PTPRN: variants seen among roughly 807,000 people sequenced by gnomAD.
PTPRN encodes the protein receptor-type tyrosine-protein phosphatase-like N.
In PTPRN, 70 loss-of-function variants were observed where a neutral mutation model predicts 108.5. The observed-to-expected ratio is 0.65, with a 90% CI of 0.53 to 0.79. The LOEUF (loss-of-function observed/expected upper bound fraction) is 0.79, where lower values mean the gene tolerates loss of function less well. Ranked by LOEUF, PTPRN falls within the 30% of genes least tolerant of loss-of-function variation. The pLI, the probability that PTPRN is intolerant of heterozygous loss-of-function variation, is 0.00. For missense variants in PTPRN, 1,136 were observed against 1,295.5 expected (o/e 0.88, Z 1.89); for synonymous variants, 496 against 524.6 (o/e 0.95, Z 0.75).
intron 10 of PTPRN, 153 bp downstream of exon 10, chr2:219,299,547 A>G: frequency 8.8e-7 from 1 of 1,132,912 alleles, no homozygotes; most frequent in Non-Finnish European, 1.3e-6. Flanking sequence ...GGGGCCAGCA[A>G]CGGGCTGGGT....
At position 219,304,618 on chromosome 2, in the gene PTPRN, G is replaced by A. The variant is rs1320975355; in HGVS notation, c.281-787C>T. 2.0e-5 allele frequency among the ~76,000 whole-genome samples: 3 copies of A among 151,932 alleles called. No individual in the cohort carries two copies. The South Asian group carries it at 6.2e-4, about 32-fold the overall frequency. ...TGTGCTGCTCTTAACTTGTATTCTGGTATCTACCAACATCCACACCTGCCT... is the reference window on the plus strand; with the variant it reads ...TGTGCTGCTCTTAACTTGTATTCTGATATCTACCAACATCCACACCTGCCT... On this transcript the variant is annotated intron_variant, in intron 3 of 22. Coordinates refer to ENST00000295718, the MANE Select transcript of PTPRN (RefSeq NM_002846.4).
At position 219,290,748 on chromosome 2, in the gene PTPRN, G is replaced by T; in HGVS notation, c.2794+78C>A. 1 of 1,535,434 alleles carries T rather than the reference G, an allele frequency of 6.5e-7. No homozygotes were observed. The highest frequency in any genetic ancestry group is 9.0e-7 in the Non-Finnish European group (1 of 1,109,922). ...TGGAGGTTGACAACCTGCTCCTTCT[G>T]AGCTCCCAGGACCCTGTGTGCTGGG... On this transcript the variant is annotated intron_variant, in intron 21 of 22. Transcript: ENST00000295718. This position sits in a 1 kb window ranked among gnomAD's most constrained non-coding sequence, Gnocchi z 4.2.
At position 219,302,323 on chromosome 2, in the gene PTPRN, C is replaced by G. The variant is rs755346221; in HGVS notation, c.808G>C (p.Ala270Pro). 3.1e-6 allele frequency: 5 copies of G among 1,613,742 alleles called. No homozygotes were observed. The African/African-American group carries it at 5.3e-5, about 17-fold the overall frequency. ...SYGDLPGPSPAQLFQDSGLLY... is the reference protein window; with the variant it reads ...SYGDLPGPSPPQLFQDSGLLY... ...AGCCCAGAGTCTTGAAAAAGCTGGG[C>G]AGGTGAAGGCCCTGGAAGGTCCCCG... Residue 270 changes from alanine (A) to proline (P), a missense_variant, in exon 6 of 23, where the codon GCC (alanine) becomes CCC (proline). Transcript: ENST00000295718.
At chr2:219,305,176 C>A (rs1693753999) in intron 3 of PTPRN, among the ~76,000 whole-genome samples, 1 of 142,452 alleles carries the variant, frequency 7.0e-6, no homozygotes, top group Non-Finnish European at 1.5e-5. Context: ...TTTAATCCTA[C>A]TCCACTGGCT....
Position 219,305,311 on chromosome 2 carries a change from C to T in PTPRN, c.281-1480G>A, listed in dbSNP as rs192960733. On this transcript the variant is annotated intron_variant, in intron 3 of 22. Coordinates refer to ENST00000295718, the MANE Select transcript of PTPRN (RefSeq NM_002846.4). ...AGGCTGGAGTGCAGTGGTGCGATCT[C>T]GGCTCACCACAACCTCTGCCTCTCA... 8.5e-3 allele frequency among the ~76,000 whole-genome samples: 1,290 copies of T among 151,238 alleles called. 10 individuals are homozygous for T. Among genetic ancestry groups the T allele is most frequent in the Non-Finnish European group, 0.014 (935 of 67,862 alleles).
At chr2:219,303,657 C>T (rs1236122613) in intron 4 of PTPRN, 78 bp downstream of exon 4, 2 of 1,394,632 alleles carry the variant, frequency 1.4e-6, no homozygotes, top group Non-Finnish European at 2.0e-6. Context: ...CACTTCCTTC[C>T]CCTTCTCTCC....
In PTPRN at chr2:219,303,811, G is replaced by A; in HGVS notation, c.301C>T (p.Leu101Phe). The A allele has an allele frequency of 6.2e-7, 1 of 1,613,368 alleles. No homozygotes were observed. The highest frequency in any genetic ancestry group is 8.5e-7 in the Non-Finnish European group (1 of 1,179,600). ...TCCTGAGAGATCACATACTGGGTGA[G>A]GTCATCGTGCCAGGACAATCCTGTC... ...MSQGLSWHDD[L>F]TQYVISQEME... The change falls in exon 4 of 23, where the codon CTC becomes TTC. Residue 101 changes from leucine to phenylalanine, a missense_variant. Coordinates refer to ENST00000295718, the MANE Select transcript of PTPRN (RefSeq NM_002846.4).
Position 219,297,805 on chromosome 2 carries a change from C to T in PTPRN, c.1887+80G>A. On this transcript the variant is annotated intron_variant, in intron 13 of 22. Transcript: ENST00000295718. This position sits in a 1 kb window ranked among gnomAD's most constrained non-coding sequence, Gnocchi z 6.0. ...ATGAGGGCTCACTCCCCATTCAGTT[C>T]CGACCCTTAGTCCACGCAAGACCCA... 6.8e-7 allele frequency: 1 copy of T among 1,468,718 alleles called. No individual in the cohort carries two copies. Among genetic ancestry groups the T allele is most frequent in the East Asian group, 2.5e-5 (1 of 40,478 alleles). 91.0% of individuals were successfully genotyped at this position (1,468,718 alleles called of 1,614,324 possible). A position where few individuals can be genotyped will look rare whatever the true frequency, so the allele number is the denominator to read the frequency against.
intron 19 of PTPRN, among the ~76,000 whole-genome samples, chr2:219,293,791 G>A (rs1952106646): frequency 1.3e-5 from 2 of 152,206 alleles, no homozygotes; most frequent in Admixed American, 6.5e-5. Context: ...AGAGACATCA[G>A]GCCAGCTTGG....
In PTPRN at chr2:219,302,620, G is replaced by A. The variant is rs777478675; in HGVS notation, c.595C>T (p.Leu199=). The A allele has an allele frequency of 1.2e-6, 2 of 1,614,032 alleles. No individual in the cohort carries two copies. Among genetic ancestry groups the A allele is most frequent in the Non-Finnish European group, 1.7e-6 (2 of 1,179,966 alleles). The change falls in exon 5 of 23, where the codon CTG becomes TTG. Residue 199 remains leucine, a synonymous_variant. Coordinates refer to ENST00000295718, the MANE Select transcript of PTPRN (RefSeq NM_002846.4). ...LLPPQPPHPS[L]SYEPALLQPY... ...TGCAGCAAGGCAGGTTCGTAACTCAGTGAAGGGTGGGGAGGCTGTGGGGGC... is the reference window on the plus strand; with the variant it reads ...TGCAGCAAGGCAGGTTCGTAACTCAATGAAGGGTGGGGAGGCTGTGGGGGC...
intron 18 of PTPRN, chr2:219,295,976 A>T (rs1393253164): frequency 1.0e-5 from 1 of 96,554 alleles, no homozygotes; most frequent in Non-Finnish European, 1.5e-5. Context: ...TCTAGACAGG[A>T]CACACACACA....
chr2:219,303,713 G>A (rs574665411), intron 4 of PTPRN, 22 bp downstream of exon 4: 4 of 1,593,146 alleles, frequency 2.5e-6, no homozygotes, highest in Non-Finnish European at 2.6e-6. Flanking sequence ...CATTGCTAGA[G>A]TTGTAGAGAA....
In PTPRN at chr2:219,302,852, A is replaced by G; in HGVS notation, c.378-15T>C. The stretch of plus-strand genomic sequence containing the variant: ...CCAAGCCAGACCTGTAGAGGAAAGC[A>G]AAGTGTGTGTGTTGGAGCGGGGGAA... On this transcript the variant is annotated splice_polypyrimidine_tract_variant and intron_variant, in intron 4 of 22. Transcript: ENST00000295718. The G allele has an allele frequency of 1.2e-6, 2 of 1,604,880 alleles. No individual in the cohort carries two copies. Among genetic ancestry groups the G allele is most frequent in the Non-Finnish European group, 1.7e-6 (2 of 1,177,690 alleles).
intron 1 of PTPRN, chr2:219,308,341 C>T (rs527307085): frequency 5.6e-6 from 1 of 178,038 alleles, no homozygotes; most frequent in East Asian, 1.6e-4. Context: ...GGTGCTGAAG[C>T]TCTGAGTCTG....
intron 4 of PTPRN, 131 bp downstream of exon 4, chr2:219,303,604 C>T: frequency 1.2e-6 from 1 of 809,796 alleles, no homozygotes; most frequent in Non-Finnish European, 2.1e-6. Flanking sequence ...GTGACCATTC[C>T]TGCACCTCTT....
chr2:219,291,724 T>C, intron 19 of PTPRN: 1 of 606,354 alleles, frequency 1.6e-6, no homozygotes, highest in Admixed American at 3.0e-5. Flanking sequence ...GCCTTGTCAC[T>C]TGCAAGCTAG....
chr2:219,300,085 C>G lies in PTPRN; in HGVS notation c.1336G>C (p.Glu446Gln), dbSNP rs1202940943. 5 of 1,614,092 alleles carry G rather than the reference C, an allele frequency of 3.1e-6. No homozygotes were observed. The highest frequency in any genetic ancestry group is 2.2e-5 in the East Asian group (1 of 44,896). The change falls in exon 9 of 23, where the codon GAG becomes CAG. Residue 446 changes from glutamate to glutamine, a missense_variant. Coordinates refer to ENST00000295718, the MANE Select transcript of PTPRN (RefSeq NM_002846.4). ...ARPPVTPVLLEKKSPLGQSQP... is the reference protein window; with the variant it reads ...ARPPVTPVLLQKKSPLGQSQP... ...CTCTGGCCCAGTGGGCTTTTCTTCT[C>G]TAGCAGGACAGGTGTCACAGGGGGT...
rs990248006 is a variant in PTPRN, at chr2:219,300,540, A to G, written c.1162-281T>C. ...CAGCAAGAGAAGCTGGGGTGAGGGT[A>G]AAAGACAAACAGGCAGGCGATGGTT... On this transcript the variant is annotated intron_variant, in intron 8 of 22. Transcript: ENST00000295718. 1.5e-5 allele frequency: 7 copies of G among 471,994 alleles called. No homozygotes were observed. The Admixed American group carries it at 1.5e-4, about 10-fold the overall frequency. 29.2% of individuals were successfully genotyped at this position (471,994 alleles called of 1,614,324 possible).
In PTPRN at chr2:219,296,217, C is replaced by T; in HGVS notation, c.2508+9G>A. On this transcript the variant is annotated intron_variant, in intron 18 of 22. Coordinates refer to ENST00000295718, the MANE Select transcript of PTPRN (RefSeq NM_002846.4). The surrounding 1 kb of genome is among the most constrained non-coding windows in gnomAD (Gnocchi z 6.0). ...ATCCATTGTCCCCTTGCTGTGGGGC[C>T]CTGCTGACCTCATATACGTGGTAGA... 1 of 1,614,024 alleles carries T rather than the reference C, an allele frequency of 6.2e-7. No homozygotes were observed. The highest frequency in any genetic ancestry group is 8.5e-7 in the Non-Finnish European group (1 of 1,179,904).
Sources: gnomAD v4.1 joint callset for allele counts (sites outside exome capture counted in the v4.1 genomes callset) on GRCh38, gnomAD v4.1.1 for gene constraint, Gnocchi (gnomAD v3.1) non-coding constraint, MANE v1.5 for transcripts, NCBI Gene and HGNC (gene_info 2026-07-23, HGNC 2026-07-21) for gene names.